The following PCSK5 variants were observed in gnomAD, a reference collection of about 807,000 sequenced individuals.
PCSK5 encodes the protein proprotein convertase subtilisin/kexin type 5, also known as prohormone convertase 5.
Under a neutral mutation model 233.2 loss-of-function variants are expected in PCSK5, and 129 were observed. The ratio of observed to expected loss-of-function variants is 0.55; its 90% CI spans 0.48 to 0.64. PCSK5 has a LOEUF of 0.64. Among genes scored for constraint, PCSK5 ranks in the 30% least tolerant of loss-of-function variants. The pLI, the probability that PCSK5 is intolerant of heterozygous loss-of-function variation, is 0.00. For synonymous variants in PCSK5, 825 were observed against 879.2 expected (o/e 0.94, Z 1.09); for missense variants, 2,076 against 2,430.1 (o/e 0.85, Z 3.06).
At chr9:76,348,579 C>A (rs531411229) in intron 35 of PCSK5, among the ~76,000 whole-genome samples, 1 of 151,936 alleles carries the variant, frequency 6.6e-6, no homozygotes, top group African/African-American at 2.4e-5. Context: ...GCCTGGGCAA[C>A]AGAGCAAGAT....
intron 9 of PCSK5, among the ~76,000 whole-genome samples, chr9:76,128,627 T>G (rs754827751): frequency 6.6e-6 from 1 of 152,206 alleles, no homozygotes; most frequent in Non-Finnish European, 1.5e-5. Context: ...AAATTTTTCT[T>G]TATAAATTAG....
At chr9:76,152,574 T>C (rs973102361) in intron 10 of PCSK5, among the ~76,000 whole-genome samples, 1 of 152,190 alleles carries the variant, frequency 6.6e-6, no homozygotes. Flanking sequence ...CAAACTGTTT[T>C]CAACCAGTCA....
At chr9:76,095,098 C>T (rs1831453105) in intron 7 of PCSK5, among the ~76,000 whole-genome samples, 1 of 152,190 alleles carries the variant, frequency 6.6e-6, no homozygotes, top group Admixed American at 6.5e-5. Context: ...AGAAGTTTTG[C>T]AATGAAGAGG....
chr9:76,003,997 C>A (rs993229308), intron 3 of PCSK5, among the ~76,000 whole-genome samples: 1 of 152,026 alleles, frequency 6.6e-6, no homozygotes, highest in South Asian at 2.1e-4. Flanking sequence ...AGCAGGGTTT[C>A]GTGTTCCGTA....
At chr9:75,957,914 T>C (rs1218531815) in intron 2 of PCSK5, among the ~76,000 whole-genome samples, 1 of 152,200 alleles carries the variant, frequency 6.6e-6, no homozygotes, top group Non-Finnish European at 1.5e-5. Context: ...AGAGATTATG[T>C]TATCATTTAG....
At chr9:75,927,944 A>G (rs1823572948) in intron 1 of PCSK5, among the ~76,000 whole-genome samples, 1 of 152,218 alleles carries the variant, frequency 6.6e-6, no homozygotes, top group Non-Finnish European at 1.5e-5. Context: ...AAAATAGTTT[A>G]CAACGCCTTT....
chr9:76,027,134 C>T (rs1743885442), intron 5 of PCSK5, 97 bp downstream of exon 5: 2 of 701,808 alleles, frequency 2.8e-6, no homozygotes, highest in Admixed American at 5.2e-5. Context: ...TCCTTGATAA[C>T]ATATGATTGC....
At chr9:76,058,594 C>T (rs1829910337) in intron 5 of PCSK5, among the ~76,000 whole-genome samples, 1 of 152,130 alleles carries the variant, frequency 6.6e-6, no homozygotes, top group African/African-American at 2.4e-5. Flanking sequence ...CAAGGAGCGT[C>T]TCCCTCAAGC....
chr9:76,066,052 C>G (rs986245900), intron 5 of PCSK5, among the ~76,000 whole-genome samples: 1 of 151,974 alleles, frequency 6.6e-6, no homozygotes, highest in Non-Finnish European at 1.5e-5. Flanking sequence ...GGTTTCTACA[C>G]CTTTTAGTAT....
intron 21 of PCSK5, among the ~76,000 whole-genome samples, chr9:76,232,823 T>G (rs748623845): frequency 1.8e-4 from 27 of 152,214 alleles, no homozygotes; most frequent in Admixed American, 4.6e-4. Flanking sequence ...CCAACTCACC[T>G]GTAATGCCCT....
At chr9:75,985,998 A>G (rs1826497108) in intron 2 of PCSK5, 134 bp from the exon 3 acceptor site, 2 of 613,098 alleles carry the variant, frequency 3.3e-6, no homozygotes, top group African/African-American at 1.8e-5. Context: ...ACTTAGACTC[A>G]GAGATTTTAG....
intron 28 of PCSK5, among the ~76,000 whole-genome samples, chr9:76,307,762 G>C (rs1462125751): frequency 6.6e-6 from 1 of 151,814 alleles, no homozygotes; most frequent in Non-Finnish European, 1.5e-5. Flanking sequence ...TAGCACAGTA[G>C]CTACTCTAAA....
At chr9:76,181,985 C>G (rs1823894384) in intron 16 of PCSK5, among the ~76,000 whole-genome samples, 1 of 152,182 alleles carries the variant, frequency 6.6e-6, no homozygotes, top group Non-Finnish European at 1.5e-5. Flanking sequence ...TGTTGTCTAC[C>G]AGGGAACCTC....
At chr9:76,224,279 T>G (rs1825813985) in intron 20 of PCSK5, among the ~76,000 whole-genome samples, 1 of 152,088 alleles carries the variant, frequency 6.6e-6, no homozygotes, top group African/African-American at 2.4e-5. Context: ...GAGGAACTGG[T>G]GGAGAAATAT....
chr9:75,967,326 TGTAA>T (rs1239734487), intron 2 of PCSK5, among the ~76,000 whole-genome samples: 2 of 152,194 alleles, frequency 1.3e-5, no homozygotes, highest in African/African-American at 2.4e-5. Flanking sequence ...AGCTCCCACT[TGTAA>T]GTGAGAACAT....
At chr9:76,275,436 T>C (rs1475461113) in intron 24 of PCSK5, among the ~76,000 whole-genome samples, 1 of 152,170 alleles carries the variant, frequency 6.6e-6, no homozygotes, top group Non-Finnish European at 1.5e-5. Context: ...TTTGTTTGTT[T>C]GTTTTTCAGA....
rs1480128193 is a variant in PCSK5 at position 76,026,958 on chromosome 9, T to C, written c.556-3T>C. 7 of 1,602,442 alleles carry C rather than the reference T, an allele frequency of 4.4e-6. No homozygotes were observed. Among genetic ancestry groups the C allele is most frequent in the Non-Finnish European group, 6.0e-6 (7 of 1,170,762 alleles). On this transcript the variant is annotated splice_region_variant and splice_polypyrimidine_tract_variant and intron_variant, in intron 4 of 37. Transcript: ENST00000674117. ...TCCCTTGCTCTCTCCTCTGTGGCCA[T>C]AGGATGCTCTGGCAAGTTGCGACGT...
intron 24 of PCSK5, among the ~76,000 whole-genome samples, chr9:76,284,535 C>T (rs148023001): frequency 0.017 from 1,734 of 103,020 alleles, no homozygotes; most frequent in Middle Eastern, 0.032. Flanking sequence ...TTTTTTTTGT[C>T]TTTTTTTTTT....
At chr9:76,339,987 C>A (rs1480501115) in intron 35 of PCSK5, among the ~76,000 whole-genome samples, 1 of 152,172 alleles carries the variant, frequency 6.6e-6, no homozygotes, top group Non-Finnish European at 1.5e-5. Flanking sequence ...CATGTTCTTT[C>A]ATTCCTCTAT....
Sources: allele counts gnomAD v4.1 joint callset (sites outside exome capture counted in the v4.1 genomes callset), GRCh38; gene constraint gnomAD v4.1.1; transcripts MANE v1.5; gene names NCBI Gene and HGNC (gene_info 2026-07-23, HGNC 2026-07-21).